Variants in TMEM39B observed in about 807,000 individuals in gnomAD.
TMEM39B encodes transmembrane protein 39B.
In TMEM39B, 23 loss-of-function variants were observed where a neutral mutation model predicts 52.2. The ratio of observed to expected loss-of-function variants is 0.44; its 90% confidence interval spans 0.32 to 0.62. The LOEUF (loss-of-function observed/expected upper bound fraction) is 0.62. Among genes scored for constraint, TMEM39B ranks in the 20% least tolerant of loss-of-function variants. TMEM39B has a pLI of 0.06. For missense variants in TMEM39B, 547 were observed against 642.0 expected, an observed-to-expected ratio of 0.85 and a Z score of 1.60; for synonymous variants, 285 against 264.0, an observed-to-expected ratio of 1.08 and a Z score of -0.77.
At chr1:32,101,809 A>T (rs1400926270) in intron 8 of TMEM39B, among the ~76,000 whole-genome samples, 1 of 152,140 alleles carries the variant, frequency 6.6e-6, no homozygotes. Context: ...CAAAATCCCT[A>T]GACACTGTGC....
intron 7 of TMEM39B, among the ~76,000 whole-genome samples, chr1:32,099,822 A>G (rs995421082): frequency 4.6e-5 from 7 of 152,146 alleles, no homozygotes; most frequent in South Asian, 2.1e-4. Flanking sequence ...TGAGGTGGAC[A>G]GATCACCTGA....
intron 6 of TMEM39B, among the ~76,000 whole-genome samples, chr1:32,093,677 G>T (rs1267448353): frequency 6.6e-6 from 1 of 151,930 alleles, no homozygotes; most frequent in East Asian, 1.9e-4. Flanking sequence ...CTCCCAAAGT[G>T]CTGAGGTTAC....
chr1:32,085,773 TA>T (rs1343771876), intron 5 of TMEM39B, among the ~76,000 whole-genome samples: 1 of 151,790 alleles, frequency 6.6e-6, no homozygotes, highest in Admixed American at 6.6e-5. Context: ...AAAATTCCCT[TA>T]TTTTCCTCAA....
chr1:32,081,856 T>C (rs1640112374), intron 5 of TMEM39B, among the ~76,000 whole-genome samples: 2 of 152,226 alleles, frequency 1.3e-5, no homozygotes, highest in Non-Finnish European at 2.9e-5. Context: ...CCTTGACTGC[T>C]GCCTCCCAGC....
At chr1:32,084,023 A>G (rs1438749367) in intron 5 of TMEM39B, among the ~76,000 whole-genome samples, 1 of 152,118 alleles carries the variant, frequency 6.6e-6, no homozygotes, top group Admixed American at 6.5e-5. Context: ...AAATGTTCCT[A>G]GTGTCAAGGT....
intron 5 of TMEM39B, among the ~76,000 whole-genome samples, chr1:32,090,861 CA>C (rs1227747913): frequency 2.0e-5 from 3 of 152,056 alleles, no homozygotes; most frequent in Non-Finnish European, 4.4e-5. Flanking sequence ...AGGATGGTCT[CA>C]ATCTCCTTAC....
At chr1:32,098,938 G>C (rs977530833) in intron 7 of TMEM39B, among the ~76,000 whole-genome samples, 1 of 152,052 alleles carries the variant, frequency 6.6e-6, no homozygotes, top group South Asian at 2.1e-4. Flanking sequence ...AGTAGCAGGA[G>C]ATGCAGGGAA....
In TMEM39B at chr1:32,094,881, G is replaced by GCTA; in HGVS notation, c.1028_1030dup (p.Tyr343dup). 6.2e-7 allele frequency: 1 copy of GCTA among 1,614,126 alleles called. No individual in the cohort carries two copies. The highest frequency in any genetic ancestry group is 8.5e-7 in the Non-Finnish European group (1 of 1,180,046). On this transcript the variant is annotated inframe_insertion, in exon 7 of 9. Transcript: ENST00000336294. Reference sequence around the variant, plus strand: ...CTCATGCAGCACCTGCTGCCTGCCAGCTACTGTGACCTGCTGCACAAGGCC... The same window carrying GCTA: ...CTCATGCAGCACCTGCTGCCTGCCAGCTACTACTGTGACCTGCTGCACAAGGCC...
chr1:32,099,726 C>T (rs1640946798), intron 7 of TMEM39B, among the ~76,000 whole-genome samples: 1 of 152,070 alleles, frequency 6.6e-6, no homozygotes, highest in South Asian at 2.1e-4. Flanking sequence ...GGGCCTTGAC[C>T]CCAAGGGCAC....
In TMEM39B at chr1:32,094,950, G is replaced by C. The variant is rs774522779; in HGVS notation, c.1094G>C (p.Cys365Ser). The C allele has an allele frequency of 1.9e-6, 3 of 1,613,306 alleles. No homozygotes were observed. The highest frequency in any genetic ancestry group is 8.5e-7 in the Non-Finnish European group (1 of 1,180,028). The change falls in exon 7 of 9, where the codon TGC becomes TCC. Residue 365 changes from cysteine (C) to serine (S), a missense_variant. Cys to Ser is a moderately radical substitution (Grantham distance 112, BLOSUM62 -1). Coordinates refer to ENST00000336294, the MANE Select transcript of TMEM39B (RefSeq NM_018056.4). ...GCWQKVDPAL[C>S]SNVLQHPWTE... ...TGGCAGAAGGTGGACCCAGCGCTGT[G>C]CTCCAACGTGCTGCAGCACCCGTGA... is the stretch of plus-strand genomic sequence containing the variant.
At chr1:32,098,827 G>A (rs1282979281) in intron 7 of TMEM39B, among the ~76,000 whole-genome samples, 2 of 152,230 alleles carry the variant, frequency 1.3e-5, no homozygotes, top group Non-Finnish European at 2.9e-5. Flanking sequence ...CATGCTCTGA[G>A]GACACAGGGA....
rs61780252 is a variant in TMEM39B, at chr1:32,075,839, G to T, written c.351+17G>T. 3 of 1,260,910 alleles carry T rather than the reference G, an allele frequency of 2.4e-6. No individual in the cohort carries two copies. Among genetic ancestry groups the T allele is most frequent in the African/African-American group, 3.1e-5 (2 of 64,356 alleles). The allele number at this position is 1,260,910 out of a possible 1,614,324, so 78.1% of individuals were successfully genotyped here. A position where few individuals can be genotyped will look rare whatever the true frequency, so the allele number is the denominator to read the frequency against. On this transcript the variant is annotated intron_variant, in intron 3 of 8. Transcript: ENST00000336294. Reference sequence around the variant, plus strand: ...ACCTCCCTGGTAGGTACCCAACAAGGGTGTGTGTGTGTGTGTGTGTGTGTG... The same window carrying T: ...ACCTCCCTGGTAGGTACCCAACAAGTGTGTGTGTGTGTGTGTGTGTGTGTG...
At chr1:32,090,130 T>G (rs1359106147) in intron 5 of TMEM39B, among the ~76,000 whole-genome samples, 1 of 151,876 alleles carries the variant, frequency 6.6e-6, no homozygotes, top group Non-Finnish European at 1.5e-5. Context: ...CTGGGGAAAT[T>G]GAGAGGCCCC....
intron 5 of TMEM39B, among the ~76,000 whole-genome samples, chr1:32,082,889 C>T (rs1332750686): frequency 1.3e-5 from 2 of 152,018 alleles, no homozygotes; most frequent in African/African-American, 2.4e-5. Context: ...ATTCTCCAGC[C>T]TCAGCCTCCC....
intron 5 of TMEM39B, among the ~76,000 whole-genome samples, chr1:32,090,815 A>AT (rs1169622798): frequency 6.6e-6 from 1 of 151,470 alleles, no homozygotes; most frequent in Non-Finnish European, 1.5e-5. Context: ...AATTTTTTGT[A>AT]TTTTTTAGTA....
intron 1 of TMEM39B, chr1:32,073,690 G>A: frequency 1.0e-6 from 1 of 985,440 alleles, no homozygotes; most frequent in Non-Finnish European, 1.2e-6. Context: ...CAGAGCTTCT[G>A]GTCTGGGGGT....
intron 7 of TMEM39B, among the ~76,000 whole-genome samples, chr1:32,098,092 G>A (rs937484796): frequency 6.6e-6 from 1 of 151,956 alleles, no homozygotes; most frequent in South Asian, 2.1e-4. Context: ...CACCTTCCGG[G>A]TTCAAGCGAT....
At position 32,093,299 on chromosome 1, in the gene TMEM39B, A is replaced by G. The variant is rs540555809; in HGVS notation, c.927+1288A>G. On this transcript the variant is annotated intron_variant, in intron 6 of 8. Transcript: ENST00000336294. ...TTTTTAGTAGAGACGGGGTTTCATC[A>G]TGTTGGCCAGGCTGGTCTTGAACTC... 5.2e-4 allele frequency among the ~76,000 whole-genome samples: 77 copies of G among 147,384 alleles called. No individual in the cohort carries two copies. In the Middle Eastern group the frequency reaches 0.011, roughly 21 times the overall value.
Position 32,092,715 on chromosome 1 carries a change from T to C in TMEM39B, c.927+704T>C, listed in dbSNP as rs189179798. On this transcript the variant is annotated intron_variant, in intron 6 of 8. Coordinates refer to ENST00000336294, the MANE Select transcript of TMEM39B (RefSeq NM_018056.4). ...GATGTTGGCCAGTCTGGTCTCAAAC[T>C]CCTGGCCCCAAGTGATCCGCCCACC... is the stretch of plus-strand genomic sequence containing the variant. 2.6e-3 allele frequency among the ~76,000 whole-genome samples: 392 copies of C among 152,146 alleles called. 1 individual carries two copies. The highest frequency in any genetic ancestry group is 9.2e-3 in the African/African-American group (383 of 41,490).
Sources: gnomAD v4.1 joint callset for allele counts (sites outside exome capture counted in the v4.1 genomes callset) on GRCh38, gnomAD v4.1.1 for gene constraint, MANE v1.5 for transcripts, NCBI Gene and HGNC (gene_info 2026-07-23, HGNC 2026-07-21) for gene names.